Variants in DST observed in about 807,000 individuals in gnomAD.
DST encodes dystonin, also known as bullous pemphigoid antigen.
In DST, 253 loss-of-function variants were observed where a neutral mutation model predicts 875.2. That is an observed-to-expected ratio of 0.29 (90% confidence interval 0.26 to 0.32). The LOEUF (loss-of-function observed/expected upper bound fraction) is 0.32. Ranked by LOEUF, DST falls within the 10% of genes least tolerant of loss-of-function variation. The pLI, the probability that DST is intolerant of heterozygous loss-of-function variation, is 1.00. For synonymous variants in DST, 3,124 were observed against 3,197.1 expected (o/e 0.98, Z 0.77); for missense variants, 8,287 against 9,111.6 (o/e 0.91, Z 3.68).
At chr6:56,683,628 C>T (rs754394670) in intron 9 of DST, among the ~76,000 whole-genome samples, 4 of 152,120 alleles carry the variant, frequency 2.6e-5, no homozygotes, top group Admixed American at 6.6e-5. Context: ...GAGCAGGAGA[C>T]TCAAGAGAGC....
At chr6:56,629,521 A>T (rs1262891991) in intron 31 of DST, 78 bp from the exon 32 acceptor site, 1 of 1,095,032 alleles carries the variant, frequency 9.1e-7, no homozygotes, top group African/African-American at 1.6e-5. Context: ...CTAATTTTAC[A>T]ATTTATTTAC....
intron 4 of DST, among the ~76,000 whole-genome samples, chr6:56,793,068 CAAAAAAAAAAAAAAAAA>C (rs61457774): frequency 1.4e-4 from 6 of 42,316 alleles, no homozygotes; most frequent in South Asian, 2.2e-3. Context: ...GACCCTGTCT[CAAAAAAAAAAAAAAAAA>C]AAAAAAAAAA....
intron 9 of DST, among the ~76,000 whole-genome samples, chr6:56,689,953 C>A (rs920921021): frequency 2.6e-5 from 4 of 152,120 alleles, no homozygotes; most frequent in African/African-American, 9.7e-5. Context: ...GGTGAGTCTT[C>A]GACAAACAGA....
chr6:56,897,575 C>T (rs932908987), intron 3 of DST, among the ~76,000 whole-genome samples: 2 of 152,116 alleles, frequency 1.3e-5, no homozygotes, highest in African/African-American at 4.8e-5. Flanking sequence ...AAGTGTTTTG[C>T]CCACCTTGGT....
chr6:56,531,956 T>C (rs1276997342), intron 64 of DST, among the ~76,000 whole-genome samples: 1 of 152,140 alleles, frequency 6.6e-6, no homozygotes, highest in East Asian at 1.9e-4. Context: ...CTTTGAGACA[T>C]CACATTTATC....
chr6:56,775,126 G>A (rs2099676057), intron 4 of DST, among the ~76,000 whole-genome samples: 1 of 151,872 alleles, frequency 6.6e-6, no homozygotes, highest in African/African-American at 2.4e-5. Context: ...TTAGTTACAA[G>A]AGTAACTAAA....
chr6:56,907,722 T>C (rs1416348534), intron 2 of DST, among the ~76,000 whole-genome samples: 1 of 152,186 alleles, frequency 6.6e-6, no homozygotes, highest in Non-Finnish European at 1.5e-5. Flanking sequence ...AAAAGATCTA[T>C]TAACAATTTA....
At chr6:56,690,946 T>A (rs867652975) in intron 9 of DST, among the ~76,000 whole-genome samples, 1 of 152,220 alleles carries the variant, frequency 6.6e-6, no homozygotes, top group Non-Finnish European at 1.5e-5. Flanking sequence ...ACATGAGATG[T>A]CAAACCCTTC....
chr6:56,854,664 AT>A (rs1666534529), intron 3 of DST, among the ~76,000 whole-genome samples: 1 of 152,338 alleles, frequency 6.6e-6, no homozygotes, highest in Middle Eastern at 3.4e-3. Context: ...TTTATTCCTT[AT>A]AATATTTTAA....
intron 4 of DST, among the ~76,000 whole-genome samples, chr6:56,745,724 T>C (rs77459466): frequency 0.02 from 2,992 of 152,226 alleles, 92 homozygotes; most frequent in African/African-American, 0.067. Context: ...AATATCCAAA[T>C]AGAGTAATAA....
chr6:56,697,260 C>T (rs1206173825), intron 9 of DST, among the ~76,000 whole-genome samples: 1 of 152,172 alleles, frequency 6.6e-6, no homozygotes, highest in African/African-American at 2.4e-5. Context: ...AAAGTGTGAC[C>T]TCTTCTATTC....
intron 10 of DST, among the ~76,000 whole-genome samples, chr6:56,657,892 A>C (rs530045874): frequency 6.8e-6 from 1 of 147,496 alleles, no homozygotes; most frequent in East Asian, 2.0e-4. Flanking sequence ...CAGCCTCCCA[A>C]GTAGTTGGGA....
chr6:56,631,414 G>A, intron 29 of DST, 25 bp from the exon 30 acceptor site: 1 of 1,604,600 alleles, frequency 6.2e-7, no homozygotes, highest in Non-Finnish European at 8.5e-7. Context: ...ACAAACAAAG[G>A]TATCAGGCCA....
intron 61 of DST, among the ~76,000 whole-genome samples, chr6:56,550,110 A>AG (rs2097296177): frequency 6.6e-6 from 1 of 152,224 alleles, no homozygotes; most frequent in Admixed American, 6.5e-5. Context: ...ACTATTTTTA[A>AG]GGAATACACA....
chr6:56,497,656 G>T, intron 81 of DST, 149 bp from the exon 82 acceptor site: 1 of 1,044,606 alleles, frequency 9.6e-7, no homozygotes, highest in Non-Finnish European at 1.4e-6. Flanking sequence ...TTCATCAGGA[G>T]AGCTCTAGTA....
chr6:56,729,629 C>T (rs2099488544), intron 5 of DST, among the ~76,000 whole-genome samples: 1 of 151,596 alleles, frequency 6.6e-6, no homozygotes, highest in African/African-American at 2.4e-5. Flanking sequence ...AAAAAAAATT[C>T]CCCTATTTAA....
At chr6:56,615,623 T>G in intron 36 of DST, 1 of 1,614,148 alleles carries the variant, frequency 6.2e-7, no homozygotes, top group Non-Finnish European at 8.5e-7. Flanking sequence ...TAAGGCTTCT[T>G]TATATGTCAA....
rs1434872643 is a variant in DST at position 56,517,600 on chromosome 6, A to G, written c.18150T>C (p.Ala6050=). 2 of 1,612,988 alleles carry G rather than the reference A, an allele frequency of 1.2e-6. No individual in the cohort carries two copies. The highest frequency in any genetic ancestry group is 1.7e-6 in the Non-Finnish European group (2 of 1,179,452). ...RSQQFDQAAD[A]ELSWITETEK... The stretch of plus-strand genomic sequence containing the variant: ...CTGTTTCAGTAATCCAGGATAACTC[A>G]GCATCAGCTGCTTGGTCAAACTAAA... The change falls in exon 70 of 104, where the codon GCT becomes GCC. Residue 6050 remains alanine (A), a synonymous_variant. Coordinates refer to ENST00000680361, the MANE Select transcript of DST (RefSeq NM_001374736.1).
chr6:56,741,807 A>C lies in DST; in HGVS notation c.626-6518T>G, dbSNP rs146834449. Among the ~76,000 whole-genome samples the C allele has an allele frequency of 2.4e-3, 362 of 152,356 alleles. 1 individual carries two copies. The highest frequency in any genetic ancestry group is 3.6e-3 in the Non-Finnish European group (247 of 68,032). On this transcript the variant is annotated intron_variant, in intron 4 of 103. Transcript: ENST00000680361. ...CATTCCTGTGATTTTAAACAATTGA[A>C]CTTTTATAACATTCCTCTATTTGAA... is the stretch of plus-strand genomic sequence containing the variant.
Sources: gnomAD v4.1 joint callset for allele counts (sites outside exome capture counted in the v4.1 genomes callset) on GRCh38, gnomAD v4.1.1 for gene constraint, MANE v1.5 for transcripts, NCBI Gene and HGNC (gene_info 2026-07-23, HGNC 2026-07-21) for gene names.